The following PLCL1 variants were observed in gnomAD, a reference collection of about 807,000 sequenced individuals.
The protein encoded by PLCL1 is phospholipase C like 1 (inactive), also known as inactive phospholipase C-like protein 1.
In PLCL1, 41 loss-of-function variants were observed where a neutral mutation model predicts 84.4. The observed-to-expected ratio is 0.49, with a 90% confidence interval of 0.38 to 0.63. PLCL1 has a LOEUF of 0.63. PLCL1 is among the 30% of genes least tolerant of loss of function. The pLI is 0.00. For synonymous variants in PLCL1, 490 were observed against 488.3 expected (o/e 1.00, Z -0.05); for missense variants, 1,206 against 1,367.8 (o/e 0.88, Z 1.87).
At chr2:197,922,565 C>G (rs1467121012) in intron 1 of PLCL1, among the ~76,000 whole-genome samples, 3 of 133,092 alleles carry the variant, frequency 2.3e-5, no homozygotes, top group African/African-American at 8.0e-5. Flanking sequence ...GGCAGAGGGG[C>G]TCCTTACTTC....
chr2:197,928,119 A>C (rs1559047838), intron 1 of PLCL1, among the ~76,000 whole-genome samples: 1 of 152,088 alleles, frequency 6.6e-6, no homozygotes, highest in Non-Finnish European at 1.5e-5. Flanking sequence ...AGTTTTAGAA[A>C]CTTCCTTTCA....
chr2:197,879,417 G>T (rs532142925), intron 1 of PLCL1, among the ~76,000 whole-genome samples: 292 of 152,264 alleles, frequency 1.9e-3, no homozygotes, highest in Non-Finnish European at 3.3e-3. Flanking sequence ...ATCAGAGCTG[G>T]TCTGAAGCTG....
intron 1 of PLCL1, among the ~76,000 whole-genome samples, chr2:197,874,651 TTTTAGA>T (rs1226003128): frequency 6.6e-6 from 1 of 152,120 alleles, no homozygotes; most frequent in African/African-American, 2.4e-5. Flanking sequence ...TACACAGGTG[TTTTAGA>T]TTTAGATTGT....
intron 5 of PLCL1, among the ~76,000 whole-genome samples, chr2:198,123,108 A>G (rs956681373): frequency 6.6e-6 from 1 of 152,140 alleles, no homozygotes; most frequent in African/African-American, 2.4e-5. Context: ...TCCACACTTC[A>G]TAATAACAAT....
chr2:198,099,656 C>G (rs2009631), intron 3 of PLCL1, among the ~76,000 whole-genome samples: 102,943 of 151,916 alleles, frequency 0.68, 35,281 homozygotes, highest in East Asian at 0.81. Flanking sequence ...GAATCTCAAA[C>G]AGAAGCTTGT....
chr2:198,051,759 G>A (rs116317062), intron 1 of PLCL1, among the ~76,000 whole-genome samples: 1,837 of 152,050 alleles, frequency 0.012, 33 homozygotes, highest in African/African-American at 0.036. Flanking sequence ...TTATTTAGAC[G>A]GCGTCTTGCT....
chr2:198,046,222 G>T (rs953623403), intron 1 of PLCL1, among the ~76,000 whole-genome samples: 1 of 152,084 alleles, frequency 6.6e-6, no homozygotes, highest in African/African-American at 2.4e-5. Flanking sequence ...TCTAGACTGC[G>T]AAGCCTAAAA....
chr2:198,137,159 A>G (rs1212907871), intron 5 of PLCL1, among the ~76,000 whole-genome samples: 2 of 152,210 alleles, frequency 1.3e-5, no homozygotes, highest in Non-Finnish European at 2.9e-5. Context: ...CAAAAAAACA[A>G]ATAAACAATA....
At chr2:198,073,333 A>C (rs1006638805) in intron 1 of PLCL1, among the ~76,000 whole-genome samples, 1 of 152,208 alleles carries the variant, frequency 6.6e-6, no homozygotes, top group Admixed American at 6.5e-5. Flanking sequence ...CCCTGAGCTG[A>C]GAATATTCAT....
intron 1 of PLCL1, among the ~76,000 whole-genome samples, chr2:197,991,457 T>C (rs1049025741): frequency 1.3e-5 from 2 of 152,176 alleles, no homozygotes; most frequent in African/African-American, 2.4e-5. Flanking sequence ...TAACCTCCTT[T>C]GGTTCTGTTT....
At chr2:198,118,908 A>G (rs1693805845) in intron 5 of PLCL1, among the ~76,000 whole-genome samples, 1 of 152,016 alleles carries the variant, frequency 6.6e-6, no homozygotes, top group Non-Finnish European at 1.5e-5. Flanking sequence ...TGTCTAATGT[A>G]GTGATTTTCC....
intron 1 of PLCL1, among the ~76,000 whole-genome samples, chr2:197,994,502 A>T (rs1244245430): frequency 6.6e-6 from 1 of 152,220 alleles, no homozygotes; most frequent in Admixed American, 6.5e-5. Flanking sequence ...GGATTACTTC[A>T]TATTTGGGGA....
In PLCL1 at chr2:198,061,038, A is replaced by G. The variant is rs556571371; in HGVS notation, c.241-22720A>G. 1.1e-4 allele frequency among the ~76,000 whole-genome samples: 16 copies of G among 152,292 alleles called. No homozygotes were observed. In the South Asian group the frequency reaches 1.9e-3, roughly 18 times the overall value. ...CTACTTTGGGGGTAAACAAATCCCA[A>G]TTGGAAGTAAGGACTGCAAATCAAC... On this transcript the variant is annotated intron_variant, in intron 1 of 5. Coordinates refer to ENST00000428675, the MANE Select transcript of PLCL1 (RefSeq NM_006226.4).
At chr2:197,949,590 G>A (rs1689348918) in intron 1 of PLCL1, among the ~76,000 whole-genome samples, 1 of 152,168 alleles carries the variant, frequency 6.6e-6, no homozygotes, top group Admixed American at 6.6e-5. Flanking sequence ...ACTCAGGGTA[G>A]CAGAGGAGAA....
chr2:197,841,092 C>G (rs1686991460), intron 1 of PLCL1, among the ~76,000 whole-genome samples: 1 of 152,114 alleles, frequency 6.6e-6, no homozygotes, highest in South Asian at 2.1e-4. Flanking sequence ...CCATATACTC[C>G]TCATATCCAA....
chr2:198,057,029 T>C (rs1279713591), intron 1 of PLCL1, among the ~76,000 whole-genome samples: 1 of 152,180 alleles, frequency 6.6e-6, no homozygotes, highest in African/African-American at 2.4e-5. Context: ...GTGGGTGCCC[T>C]GGTGAAAACT....
At chr2:198,051,601 C>T (rs919904840) in intron 1 of PLCL1, among the ~76,000 whole-genome samples, 4 of 152,150 alleles carry the variant, frequency 2.6e-5, no homozygotes, top group African/African-American at 9.7e-5. Flanking sequence ...AACAGCCCTT[C>T]TCTGAGTTAT....
intron 5 of PLCL1, among the ~76,000 whole-genome samples, chr2:198,118,207 C>G (rs1693789649): frequency 6.6e-6 from 1 of 151,858 alleles, no homozygotes; most frequent in Non-Finnish European, 1.5e-5. Context: ...ATGGAAATTA[C>G]AATTTTAAAT....
At chr2:197,847,318 A>T (rs1354236209) in intron 1 of PLCL1, among the ~76,000 whole-genome samples, 1 of 152,202 alleles carries the variant, frequency 6.6e-6, no homozygotes, top group African/African-American at 2.4e-5. Context: ...GAAAGAACAT[A>T]TAATAAATGG....
Sources: allele counts gnomAD v4.1 joint callset (sites outside exome capture counted in the v4.1 genomes callset), GRCh38; gene constraint gnomAD v4.1.1; transcripts MANE v1.5; gene names NCBI Gene and HGNC (gene_info 2026-07-23, HGNC 2026-07-21).